Variants in OTOF observed in about 807,000 individuals in gnomAD.
The protein encoded by OTOF is fer-1-like family member 2.
In OTOF, 218 loss-of-function variants were observed where a neutral mutation model predicts 236.8. The observed-to-expected ratio is 0.92, with a 90% CI of 0.82 to 1.03. OTOF has a LOEUF of 1.03. Among genes scored for constraint, OTOF ranks in the 50% least tolerant of loss-of-function variants. The pLI is 0.00. For missense variants in OTOF, 2,590 were observed against 2,694.4 expected (o/e 0.96, Z 0.86); for synonymous variants, 1,041 against 1,072.5 (o/e 0.97, Z 0.57).
chr2:26,538,199 G>T (rs570713196), intron 1 of OTOF, among the ~76,000 whole-genome samples: 2 of 152,196 alleles, frequency 1.3e-5, no homozygotes, highest in Non-Finnish European at 2.9e-5. Flanking sequence ...CGTAGCCCCT[G>T]CCTGCCGACA....
chr2:26,498,236 G>A (rs939857896), intron 8 of OTOF, among the ~76,000 whole-genome samples: 2 of 152,256 alleles, frequency 1.3e-5, no homozygotes, highest in Non-Finnish European at 2.9e-5. Context: ...AGCTCTGGCA[G>A]TAGAGGCGGA....
Position 26,461,035 on chromosome 2 carries a change from G to A in OTOF, c.5534-5C>T. On this transcript the variant is annotated splice_polypyrimidine_tract_variant and splice_region_variant and intron_variant, in intron 43 of 46. Transcript: ENST00000272371. The surrounding 1 kb of genome is among the most constrained non-coding windows in gnomAD (Gnocchi z 6.2). ...TCAGGTCCAGCTCGATGGCCCCTGTGGCAACCTCAGTGTCAGCTCAGAGTG... is the reference window on the plus strand; with the variant it reads ...TCAGGTCCAGCTCGATGGCCCCTGTAGCAACCTCAGTGTCAGCTCAGAGTG... 1 of 1,436,190 alleles carries A rather than the reference G, an allele frequency of 7.0e-7. No individual in the cohort carries two copies. Among genetic ancestry groups the A allele is most frequent in the Non-Finnish European group, 9.3e-7 (1 of 1,071,508 alleles). The allele number at this position is 1,436,190 out of a possible 1,614,324, so 89.0% of individuals were successfully genotyped here.
At chr2:26,476,391 G>C in intron 22 of OTOF, 74 bp from the exon 23 acceptor site, 1 of 1,413,766 alleles carries the variant, frequency 7.1e-7, no homozygotes, top group Non-Finnish European at 9.8e-7. Context: ...GGCAGGGGCC[G>C]GCAGAGGCCC....
At chr2:26,504,974 C>T (rs532522627) in intron 5 of OTOF, among the ~76,000 whole-genome samples, 1 of 152,226 alleles carries the variant, frequency 6.6e-6, no homozygotes, top group Admixed American at 6.5e-5. Context: ...TTTCTAAGAC[C>T]CCAGATCCTT....
intron 3 of OTOF, among the ~76,000 whole-genome samples, chr2:26,524,659 T>G (rs1666758501): frequency 1.3e-5 from 2 of 152,254 alleles, no homozygotes; most frequent in Admixed American, 1.3e-4. Flanking sequence ...TTTCAGTGGT[T>G]AGGCTGGTGG....
chr2:26,506,039 C>T (rs1389061201), intron 5 of OTOF, among the ~76,000 whole-genome samples: 1 of 152,194 alleles, frequency 6.6e-6, no homozygotes. Context: ...AAAGGACCAC[C>T]CTGGCTGGCT....
At chr2:26,537,199 C>T (rs953422112) in intron 2 of OTOF, among the ~76,000 whole-genome samples, 1 of 152,324 alleles carries the variant, frequency 6.6e-6, no homozygotes, top group East Asian at 1.9e-4. Flanking sequence ...CCCTATGCTT[C>T]CCCTCAAGGT....
At chr2:26,482,651 G>GTGTGTGTGTGAGTGGGCGCA in intron 13 of OTOF, 59 bp from the exon 14 acceptor site, 4 of 1,445,668 alleles carry the variant, frequency 2.8e-6, no homozygotes, top group South Asian at 1.2e-5. Flanking sequence ...GGGTGCATGT[G>GTGTGTGTGTGAGTGGGCGCA]TGTGTGTGTG....
chr2:26,557,507 G>A (rs550767196), intron 1 of OTOF, among the ~76,000 whole-genome samples: 16 of 152,228 alleles, frequency 1.1e-4, no homozygotes, highest in Non-Finnish European at 1.0e-4. Flanking sequence ...GTCCAGCCTC[G>A]CCTCCTTGCC....
At position 26,545,581 on chromosome 2, in the gene OTOF, A is replaced by G. The variant is rs569205383; in HGVS notation, c.80-7807T>C. Reference sequence around the variant, plus strand: ...AAGTTTTTAGTGAAATTTATTTCTTATGTTTAGTCTTTTAAAATTTTTCTT... The same window carrying G: ...AAGTTTTTAGTGAAATTTATTTCTTGTGTTTAGTCTTTTAAAATTTTTCTT... On this transcript the variant is annotated intron_variant, in intron 1 of 46. Transcript: ENST00000272371. Among the ~76,000 whole-genome samples the G allele has an allele frequency of 1.1e-3, 171 of 152,252 alleles. No individual in the cohort carries two copies. The South Asian group carries it at 0.012, about 11-fold the overall frequency.
intron 16 of OTOF, 119 bp downstream of exon 16, chr2:26,480,084 A>G: frequency 1.3e-6 from 1 of 741,872 alleles, no homozygotes; most frequent in Non-Finnish European, 2.5e-6. Flanking sequence ...CGTTCCCTAC[A>G]AGAGTGAGGA....
At position 26,461,999 on chromosome 2, in the gene OTOF, AC is replaced by A; in HGVS notation, c.5292-63del. ...GGTGGGGCCTCTCCCACCCACAGCC[AC>A]CTTCCCTCTGCCTCCTCTCCTGCCC... On this transcript the variant is annotated intron_variant, in intron 42 of 46. Coordinates refer to ENST00000272371, the MANE Select transcript of OTOF (RefSeq NM_194248.3). This position sits in a 1 kb window ranked among gnomAD's most constrained non-coding sequence, Gnocchi z 6.2. The A allele has an allele frequency of 6.2e-7, 1 of 1,612,918 alleles. No individual in the cohort carries two copies. The highest frequency in any genetic ancestry group is 8.5e-7 in the Non-Finnish European group (1 of 1,179,658).
At chr2:26,495,166 G>A (rs1558498585) in intron 8 of OTOF, 93 bp from the exon 9 acceptor site, 1 of 1,414,958 alleles carries the variant, frequency 7.1e-7, no homozygotes. Flanking sequence ...AGCAGGGTCA[G>A]AGGGAGGGCC....
chr2:26,509,869 C>T (rs954097697), intron 5 of OTOF, among the ~76,000 whole-genome samples: 4 of 152,198 alleles, frequency 2.6e-5, no homozygotes, highest in African/African-American at 9.6e-5. Context: ...GCTTCCCTGT[C>T]TTCTGGTTCC....
chr2:26,489,215 C>T lies in OTOF; in HGVS notation c.1041G>A (p.Gln347=). The T allele has an allele frequency of 6.2e-7, 1 of 1,607,740 alleles. No homozygotes were observed. The highest frequency in any genetic ancestry group is 8.5e-7 in the Non-Finnish European group (1 of 1,175,628). The change falls in exon 11 of 47, where the codon CAG becomes CAA. Residue 347 remains glutamine (Q), a synonymous_variant. Transcript: ENST00000272371. ...TGGCCATGCGCAGGTACTCACCTGG[C>T]TGCGAGTACACGGTTCCCACGTCCA... ...FKMDVGTVYS[Q]PEHQFHHKWA...
chr2:26,489,447 C>A (rs889509052), intron 10 of OTOF, 152 bp from the exon 11 acceptor site: 1 of 742,812 alleles, frequency 1.3e-6, no homozygotes, highest in Admixed American at 2.0e-5. Flanking sequence ...CTCCTGCCCA[C>A]GCCAGTTTCT....
intron 7 of OTOF, 32 bp downstream of exon 7, chr2:26,502,268 C>A: frequency 1.2e-6 from 2 of 1,612,926 alleles, no homozygotes; most frequent in Non-Finnish European, 1.7e-6. Flanking sequence ...AGGGTGGGGG[C>A]AGCTGGGGTT....
In OTOF at chr2:26,474,112, TG is replaced by T; in HGVS notation, c.3289-3del. 1 of 1,612,796 alleles carries T rather than the reference TG, an allele frequency of 6.2e-7. No homozygotes were observed. The highest frequency in any genetic ancestry group is 8.5e-7 in the Non-Finnish European group (1 of 1,179,820). On this transcript the variant is annotated splice_polypyrimidine_tract_variant and splice_region_variant and intron_variant, in intron 26 of 46. Transcript: ENST00000272371. ...GTCAGCCTTCCCTGCTGGTCCAATC[TG>T]GGGAATGGGGGTCACAGGTCACACA...
At chr2:26,478,721 T>C (rs1384349508) in intron 18 of OTOF, among the ~76,000 whole-genome samples, 6 of 152,056 alleles carry the variant, frequency 3.9e-5, no homozygotes, top group African/African-American at 1.5e-4. Flanking sequence ...TTTTTTGAGA[T>C]GAAGTTTTGC....
Sources: gnomAD v4.1 joint callset for allele counts (sites outside exome capture counted in the v4.1 genomes callset) on GRCh38, gnomAD v4.1.1 for gene constraint, Gnocchi (gnomAD v3.1) non-coding constraint, MANE v1.5 for transcripts, NCBI Gene and HGNC (gene_info 2026-07-23, HGNC 2026-07-21) for gene names.